The following MAP1B variants were observed in gnomAD, a reference collection of about 807,000 sequenced individuals.
MAP1B encodes microtubule associated protein 1B.
MAP1B carries 12 observed loss-of-function variants against 176.1 expected under a neutral mutation model. The observed-to-expected ratio is 0.07, with a 90% confidence interval of 0.04 to 0.11. The LOEUF is 0.11. Ranked by LOEUF, MAP1B falls within the 10% of genes least tolerant of loss-of-function variation. The pLI is 1.00. For synonymous variants in MAP1B, 1,044 were observed against 1,135.0 expected (o/e 0.92, Z 1.61); for missense variants, 2,523 against 2,990.5 (o/e 0.84, Z 3.65).
At chr5:72,159,861 T>C (rs1360659638) in intron 2 of MAP1B, among the ~76,000 whole-genome samples, 1 of 152,178 alleles carries the variant, frequency 6.6e-6, no homozygotes, top group Non-Finnish European at 1.5e-5. Context: ...CAGGCCTTAC[T>C]CATGGTTGTT....
rs1747233188 is a variant in MAP1B, at chr5:72,198,280, A to G, written c.4925A>G (p.Gln1642Arg). 6.2e-7 allele frequency: 1 copy of G among 1,614,212 alleles called. No homozygotes were observed. The highest frequency in any genetic ancestry group is 8.5e-7 in the Non-Finnish European group (1 of 1,180,000). ...RTPVQDHRSE[Q>R]SSMSIEFGQE... ...CCCGTTCAAGATCACAGATCTGAAC[A>G]GTCCTCAATGTCTATTGAATTTGGC... The change falls in exon 5 of 7, where the codon CAG becomes CGG. Residue 1642 changes from glutamine (Q) to arginine (R), a missense_variant. Coordinates refer to ENST00000296755, the MANE Select transcript of MAP1B (RefSeq NM_005909.5).
intron 2 of MAP1B, among the ~76,000 whole-genome samples, chr5:72,122,999 G>GCACA (rs1269506257): frequency 6.6e-6 from 1 of 152,084 alleles, no homozygotes; most frequent in Non-Finnish European, 1.5e-5. Context: ...CATCAAGCAA[G>GCACA]CACAGTCTCT....
intron 2 of MAP1B, among the ~76,000 whole-genome samples, chr5:72,145,943 G>A (rs1049624174): frequency 6.6e-6 from 1 of 152,226 alleles, no homozygotes; most frequent in Non-Finnish European, 1.5e-5. Flanking sequence ...ACCCAGAAAT[G>A]TGGGCAATTT....
chr5:72,127,381 G>A (rs1263361745), intron 2 of MAP1B, among the ~76,000 whole-genome samples: 1 of 152,212 alleles, frequency 6.6e-6, no homozygotes. Flanking sequence ...AGAAGGAAAA[G>A]TGATTTTTGT....
At chr5:72,178,043 C>T (rs998298316) in intron 2 of MAP1B, among the ~76,000 whole-genome samples, 1 of 152,092 alleles carries the variant, frequency 6.6e-6, no homozygotes, top group African/African-American at 2.4e-5. Flanking sequence ...CACTCTGTTG[C>T]CCAGGCCGGA....
rs1561294493 is a variant in MAP1B at position 72,133,432 on chromosome 5, G to GA, written c.286+17634dup. On this transcript the variant is annotated intron_variant, in intron 2 of 6. Coordinates refer to ENST00000296755, the MANE Select transcript of MAP1B (RefSeq NM_005909.5). ...TTCTTTTTCCTGTCTTGCATCCTAG[G>GA]ATTAGGGGCAGGTATTTGAAGAGTG... Among the ~76,000 whole-genome samples, 8 of 152,304 alleles carry GA rather than the reference G, an allele frequency of 5.3e-5. No individual in the cohort carries two copies. The South Asian group carries it at 1.4e-3, about 28-fold the overall frequency.
chr5:72,139,163 A>T (rs373514175), intron 2 of MAP1B, among the ~76,000 whole-genome samples: 1 of 152,202 alleles, frequency 6.6e-6, no homozygotes, highest in Non-Finnish European at 1.5e-5. Flanking sequence ...ATGACATGGC[A>T]CGAAAAGCCA....
At chr5:72,177,625 A>G (rs1746676693) in intron 2 of MAP1B, among the ~76,000 whole-genome samples, 1 of 152,136 alleles carries the variant, frequency 6.6e-6, no homozygotes, top group Admixed American at 6.5e-5. Flanking sequence ...CAAATCAACC[A>G]CACATTTGCT....
chr5:72,159,897 GA>G (rs1252886656), intron 2 of MAP1B, among the ~76,000 whole-genome samples: 12 of 152,170 alleles, frequency 7.9e-5, no homozygotes, highest in African/African-American at 2.7e-4. Context: ...CCAGCCACAC[GA>G]AATAATACGT....
rs551518483 is a variant in MAP1B at position 72,183,176 on chromosome 5, T to A, written c.287-567T>A. Among the ~76,000 whole-genome samples, 4 of 152,328 alleles carry A rather than the reference T, an allele frequency of 2.6e-5. No individual in the cohort carries two copies. The East Asian group carries it at 7.7e-4, about 29-fold the overall frequency. Reference sequence around the variant, plus strand: ...GGGAGGGTTGTTCTCCACTTTTCATTTGCTTACGGTGTCTCCAGTTTCCTA... The same window carrying A: ...GGGAGGGTTGTTCTCCACTTTTCATATGCTTACGGTGTCTCCAGTTTCCTA... On this transcript the variant is annotated intron_variant, in intron 2 of 6. Transcript: ENST00000296755.
At chr5:72,141,647 T>C (rs1745948076) in intron 2 of MAP1B, among the ~76,000 whole-genome samples, 1 of 152,186 alleles carries the variant, frequency 6.6e-6, no homozygotes. Flanking sequence ...TGCCCTAGAA[T>C]GACTTTCTCC....
At chr5:72,145,023 G>C (rs1221907587) in intron 2 of MAP1B, among the ~76,000 whole-genome samples, 1 of 152,160 alleles carries the variant, frequency 6.6e-6, no homozygotes, top group Admixed American at 6.5e-5. Context: ...ATTATACTCT[G>C]TTTTGGTGAA....
chr5:72,170,962 A>G (rs1055030862), intron 2 of MAP1B, among the ~76,000 whole-genome samples: 4 of 152,090 alleles, frequency 2.6e-5, no homozygotes, highest in African/African-American at 9.7e-5. Context: ...ATAAAATAAA[A>G]TAACATAAAA....
At chr5:72,176,115 T>C (rs1171557234) in intron 2 of MAP1B, among the ~76,000 whole-genome samples, 2 of 152,224 alleles carry the variant, frequency 1.3e-5, no homozygotes, top group African/African-American at 4.8e-5. Flanking sequence ...GGAAAGAACT[T>C]GGCTGATGGT....
At chr5:72,176,372 C>G (rs1746655069) in intron 2 of MAP1B, among the ~76,000 whole-genome samples, 1 of 152,228 alleles carries the variant, frequency 6.6e-6, no homozygotes, top group African/African-American at 2.4e-5. Context: ...GGAATAGTGT[C>G]ACAGCACTGA....
rs1747468405 is a variant in MAP1B at position 72,207,041 on chromosome 5, G to A, written c.*1802G>A. The A allele has an allele frequency of 6.6e-6, 1 of 152,090 alleles. No homozygotes were observed. Among genetic ancestry groups the A allele is most frequent in the South Asian group, 2.1e-4 (1 of 4,826 alleles). 9.4% of individuals were successfully genotyped at this position (152,090 alleles called of 1,614,324 possible). A position where few individuals can be genotyped will look rare whatever the true frequency, so the allele number is the denominator to read the frequency against. ...TCTTTTCTGGAAAAAAAAAATAAAA[G>A]AAATAGTACATTGAAAACAAATGAA... is the stretch of plus-strand genomic sequence containing the variant. On this transcript the variant is annotated 3_prime_UTR_variant, in exon 7 of 7. Coordinates refer to ENST00000296755, the MANE Select transcript of MAP1B (RefSeq NM_005909.5).
chr5:72,125,270 A>G (rs1164330665), intron 2 of MAP1B, among the ~76,000 whole-genome samples: 1 of 152,178 alleles, frequency 6.6e-6, no homozygotes, highest in Non-Finnish European at 1.5e-5. Flanking sequence ...CAGCCCCACA[A>G]GATGCTCAAG....
intron 2 of MAP1B, among the ~76,000 whole-genome samples, chr5:72,160,559 C>T (rs1487794156): frequency 6.6e-6 from 1 of 152,176 alleles, no homozygotes; most frequent in East Asian, 1.9e-4. Flanking sequence ...CTGTTTATAT[C>T]AAGTCAGTAG....
intron 2 of MAP1B, among the ~76,000 whole-genome samples, chr5:72,131,762 G>A (rs895288777): frequency 2.6e-5 from 4 of 152,272 alleles, no homozygotes; most frequent in Admixed American, 2.0e-4. Flanking sequence ...GTACTTAGAG[G>A]TTCATTCAAT....
Sources: allele counts gnomAD v4.1 joint callset (sites outside exome capture counted in the v4.1 genomes callset), GRCh38; gene constraint gnomAD v4.1.1; transcripts MANE v1.5; gene names NCBI Gene and HGNC (gene_info 2026-07-23, HGNC 2026-07-21).